Variants in PCDHGB4 observed in about 807,000 individuals in gnomAD.
PCDHGB4 encodes protocadherin gamma subfamily B, 4, also known as protocadherin gamma-B4.
Under a neutral mutation model 60.5 loss-of-function variants are expected in PCDHGB4, and 38 were observed. That is an observed-to-expected ratio of 0.63 (90% confidence interval 0.48 to 0.82). PCDHGB4 has a LOEUF of 0.82. Ranked by LOEUF, PCDHGB4 falls within the 40% of genes least tolerant of loss-of-function variation. The probability of loss-of-function intolerance (pLI) is 0.00; values close to 1 mark genes in which losing one functional copy is unlikely to be tolerated. For missense variants in PCDHGB4, 1,109 were observed against 1,209.6 expected (o/e 0.92, Z 1.23); for synonymous variants, 456 against 509.7 (o/e 0.89, Z 1.42).
intron 1 of PCDHGB4, chr5:141,417,742 G>A: frequency 7.0e-7 from 1 of 1,418,808 alleles, no homozygotes. Flanking sequence ...CAGCACACCA[G>A]ATTGCCAGCT....
chr5:141,457,498 G>A (rs193168963), intron 1 of PCDHGB4, among the ~76,000 whole-genome samples: 23 of 152,246 alleles, frequency 1.5e-4, no homozygotes, highest in African/African-American at 4.3e-4. Flanking sequence ...TAAAATGTAG[G>A]CAAAAAGCTT....
In PCDHGB4 at chr5:141,387,984, C is replaced by T. The variant is rs1470979893; in HGVS notation, c.100C>T (p.Arg34Cys). 1.3e-6 allele frequency: 2 copies of T among 1,485,580 alleles called. No individual in the cohort carries two copies. The allele number at this position is 1,485,580 out of a possible 1,614,324, so 92.0% of individuals were successfully genotyped here. A position where few individuals can be genotyped will look rare whatever the true frequency, so the allele number is the denominator to read the frequency against. Reference sequence around the variant, plus strand: ...CTGCCCGGCGCTCTGTGAGCAGATCCGCTACAGGATTCCCGAGGAAATGCC... The same window carrying T: ...CTGCCCGGCGCTCTGTGAGCAGATCTGCTACAGGATTCCCGAGGAAATGCC... ...LFCPALCEQI[R>C]YRIPEEMPKG... is the part of the protein sequence containing the mutation. Residue 34 changes from arginine (R) to cysteine (C), a missense_variant, in exon 1 of 4, where the codon CGC becomes TGC. Coordinates refer to ENST00000519479, the MANE Select transcript of PCDHGB4 (RefSeq NM_003736.4).
chr5:141,423,609 A>G lies in PCDHGB4; in HGVS notation c.2397+33328A>G, dbSNP rs748925693. The G allele has an allele frequency of 5.0e-6, 8 of 1,611,572 alleles. No homozygotes were observed. The South Asian group carries it at 7.7e-5, about 16-fold the overall frequency. ...GTGAGAAAAGCGAGCCACTCTTGAT[A>G]GCTGAAGACTCAGCTATCATTTTAG... On this transcript the variant is annotated intron_variant, in intron 1 of 3. Transcript: ENST00000519479.
In PCDHGB4 at chr5:141,430,181, T is replaced by A. The variant is rs561671481; in HGVS notation, c.2397+39900T>A. ...TCTATTTAAAAATATTTTCCCCAAA[T>A]TATAGCTGAATCAGAAAGTTTAAAT... On this transcript the variant is annotated intron_variant, in intron 1 of 3. Transcript: ENST00000519479. 2.0e-5 allele frequency among the ~76,000 whole-genome samples: 3 copies of A among 152,252 alleles called. No homozygotes were observed. The South Asian group carries it at 6.2e-4, about 32-fold the overall frequency.
At chr5:141,465,730 T>G (rs1373873081) in intron 1 of PCDHGB4, among the ~76,000 whole-genome samples, 2 of 152,186 alleles carry the variant, frequency 1.3e-5, no homozygotes, top group Non-Finnish European at 2.9e-5. Context: ...CCTCTTGTGC[T>G]TTGTTTTCAG....
intron 1 of PCDHGB4, chr5:141,442,360 G>A (rs890049391): frequency 6.6e-6 from 1 of 152,272 alleles, no homozygotes; most frequent in African/African-American, 2.4e-5. Flanking sequence ...GTAGCTCTAT[G>A]ATGCCATATT....
intron 1 of PCDHGB4, among the ~76,000 whole-genome samples, chr5:141,448,706 C>T (rs1344013319): frequency 1.3e-5 from 2 of 151,730 alleles, no homozygotes; most frequent in African/African-American, 2.4e-5. Flanking sequence ...TTTGGGAGGC[C>T]GAGGCGGGAG....
chr5:141,508,790 C>T (rs1181979966), intron 3 of PCDHGB4, among the ~76,000 whole-genome samples: 1 of 152,072 alleles, frequency 6.6e-6, no homozygotes, highest in African/African-American at 2.4e-5. Flanking sequence ...CCCTAAATCA[C>T]TCTGGAATCC....
At chr5:141,430,595 G>C (rs549786394) in intron 1 of PCDHGB4, 1 of 567,016 alleles carries the variant, frequency 1.8e-6, no homozygotes. Flanking sequence ...CCTTGCACGC[G>C]CCTGAAGCAC....
intron 1 of PCDHGB4, among the ~76,000 whole-genome samples, chr5:141,457,912 C>T (rs991917175): frequency 1.3e-5 from 2 of 152,120 alleles, no homozygotes; most frequent in African/African-American, 4.8e-5. Context: ...GGTGTGAGGC[C>T]AGTTCTCCCC....
chr5:141,510,834 G>T, intron 3 of PCDHGB4, 113 bp from the exon 4 acceptor site: 1 of 1,581,880 alleles, frequency 6.3e-7, no homozygotes. Flanking sequence ...AGTGCTCAGC[G>T]TGGTCAAGGC....
chr5:141,468,899 T>C (rs1051519139), intron 1 of PCDHGB4, among the ~76,000 whole-genome samples: 2 of 151,550 alleles, frequency 1.3e-5, no homozygotes, highest in Non-Finnish European at 2.9e-5. Flanking sequence ...GGTACTAATA[T>C]GATCCAGACT....
At chr5:141,481,229 A>T (rs989963485) in intron 1 of PCDHGB4, among the ~76,000 whole-genome samples, 1 of 152,212 alleles carries the variant, frequency 6.6e-6, no homozygotes, top group Non-Finnish European at 1.5e-5. Flanking sequence ...TCCCAGCCTT[A>T]AAGTATTACA....
At chr5:141,508,824 G>T (rs893436748) in intron 3 of PCDHGB4, among the ~76,000 whole-genome samples, 1 of 151,952 alleles carries the variant, frequency 6.6e-6, no homozygotes, top group Non-Finnish European at 1.5e-5. Context: ...CCAGATCTGG[G>T]CCCCCCTCCC....
intron 2 of PCDHGB4, among the ~76,000 whole-genome samples, chr5:141,500,939 G>T (rs2099804123): frequency 6.6e-6 from 1 of 151,680 alleles, no homozygotes; most frequent in South Asian, 2.1e-4. Context: ...CGCCATCTCG[G>T]CTCACTGCAA....
rs369748404 is a variant in PCDHGB4 at position 141,476,671 on chromosome 5, G to A, written c.2398-18136G>A. The A allele has an allele frequency of 6.2e-7, 1 of 1,614,128 alleles. No homozygotes were observed. Among genetic ancestry groups the A allele is most frequent in the Non-Finnish European group, 8.5e-7 (1 of 1,180,056 alleles). On this transcript the variant is annotated intron_variant, in intron 1 of 3. Coordinates refer to ENST00000519479, the MANE Select transcript of PCDHGB4 (RefSeq NM_003736.4). This position sits in a 1 kb window ranked among gnomAD's most constrained non-coding sequence, Gnocchi z 7.6. ...ATGAATACTTTGCGCTTCGCGTGCA[G>A]ACGCGGGAGGACAGCACCAAGTACG...
intron 1 of PCDHGB4, chr5:141,412,918 G>T: frequency 2.4e-6 from 1 of 414,220 alleles, no homozygotes; most frequent in Non-Finnish European, 4.2e-6. Flanking sequence ...TATCACTTGG[G>T]TGCAGTAACT....
At chr5:141,418,441 A>T in intron 1 of PCDHGB4, 2 of 1,614,000 alleles carry the variant, frequency 1.2e-6, no homozygotes, top group East Asian at 4.5e-5. Flanking sequence ...ATCCAGAATT[A>T]GTATTGCAGA....
At chr5:141,410,161 ACT>A (rs758781174) in intron 1 of PCDHGB4, 27 of 1,613,102 alleles carry the variant, frequency 1.7e-5, no homozygotes, top group South Asian at 1.1e-5. Flanking sequence ...GACAGCCGCC[ACT>A]CTCTGCCACC....
Sources: allele counts gnomAD v4.1 joint callset (sites outside exome capture counted in the v4.1 genomes callset), GRCh38; gene constraint gnomAD v4.1.1; non-coding constraint Gnocchi (gnomAD v3.1); transcripts MANE v1.5; gene names NCBI Gene and HGNC (gene_info 2026-07-23, HGNC 2026-07-21).